IQGAP1: variants seen among roughly 807,000 people sequenced by gnomAD.
IQGAP1 encodes ras GTPase-activating-like protein IQGAP1.
Under a neutral mutation model 215.6 loss-of-function variants are expected in IQGAP1, and 66 were observed. That is an observed-to-expected ratio of 0.31 (90% CI 0.25 to 0.38). IQGAP1 has a LOEUF of 0.38. IQGAP1 is among the 10% of genes least tolerant of loss of function. The pLI, the probability that IQGAP1 is intolerant of heterozygous loss-of-function variation, is 1.00. For synonymous variants in IQGAP1, 772 were observed against 728.7 expected (o/e 1.06, Z -0.96); for missense variants, 1,712 against 1,997.1 (o/e 0.86, Z 2.72).
rs2151042784 is a variant in IQGAP1, at chr15:90,500,510, G to GTTC, written c.*402_*403insTTC. On this transcript the variant is annotated 3_prime_UTR_variant, in exon 38 of 38. Transcript: ENST00000268182. ...AGAAGTGGAAGCTATTAGCACCAATGACATAAATACATACAAGACACACAA... is the reference window on the plus strand; with the variant it reads ...AGAAGTGGAAGCTATTAGCACCAATGTTCACATAAATACATACAAGACACACAA... The GTTC allele has an allele frequency of 6.2e-6, 1 of 160,628 alleles. No individual in the cohort carries two copies. Among genetic ancestry groups the GTTC allele is most frequent in the Admixed American group, 6.0e-5 (1 of 16,560 alleles). 10.0% of individuals were successfully genotyped at this position (160,628 alleles called of 1,614,324 possible). A position where few individuals can be genotyped will look rare whatever the true frequency, so the allele number is the denominator to read the frequency against.
intron 14 of IQGAP1, among the ~76,000 whole-genome samples, chr15:90,455,513 C>G (rs1376263440): frequency 6.6e-6 from 1 of 152,172 alleles, no homozygotes; most frequent in Non-Finnish European, 1.5e-5. Flanking sequence ...GAGACAAAGA[C>G]CAGCCAGACT....
intron 2 of IQGAP1, among the ~76,000 whole-genome samples, chr15:90,399,034 A>G (rs1346510353): frequency 6.6e-6 from 1 of 150,830 alleles, no homozygotes; most frequent in Non-Finnish European, 1.5e-5. Context: ...AAGTGAATAT[A>G]GGAAATCTTC....
Position 90,500,137 on chromosome 15 carries a change from T to C in IQGAP1, c.*29T>C, listed in dbSNP as rs755984594. ...ATCGTTTGCTGCCAGCCCAGAAGGATGAAGGAAAGAAGCACCTCACAGCTC... is the reference window on the plus strand; with the variant it reads ...ATCGTTTGCTGCCAGCCCAGAAGGACGAAGGAAAGAAGCACCTCACAGCTC... On this transcript the variant is annotated 3_prime_UTR_variant, in exon 38 of 38. Coordinates refer to ENST00000268182, the MANE Select transcript of IQGAP1 (RefSeq NM_003870.4). The C allele has an allele frequency of 3.8e-6, 5 of 1,325,346 alleles. No individual in the cohort carries two copies. The highest frequency in any genetic ancestry group is 5.4e-6 in the Non-Finnish European group (5 of 917,938). 82.1% of individuals were successfully genotyped at this position (1,325,346 alleles called of 1,614,324 possible). A position where few individuals can be genotyped will look rare whatever the true frequency, so the allele number is the denominator to read the frequency against.
chr15:90,450,052 A>G (rs1450672272), intron 11 of IQGAP1, among the ~76,000 whole-genome samples: 1 of 152,150 alleles, frequency 6.6e-6, no homozygotes. Context: ...ATTGTTAACT[A>G]TCATCATCCT....
chr15:90,477,287 G>C (rs1856147691), intron 25 of IQGAP1, 57 bp downstream of exon 25: 3 of 1,415,348 alleles, frequency 2.1e-6, no homozygotes, highest in Admixed American at 2.1e-5. Context: ...GGGGCTCCCA[G>C]TTTGAGATTC....
At chr15:90,440,337 G>C (rs1221762484) in intron 6 of IQGAP1, among the ~76,000 whole-genome samples, 165 bp from the exon 7 acceptor site, 3 of 152,132 alleles carry the variant, frequency 2.0e-5, no homozygotes, top group Non-Finnish European at 4.4e-5. Context: ...TTATATACTA[G>C]TTACTGTGTT....
At chr15:90,481,378 A>AT (rs1966057029) in intron 26 of IQGAP1, among the ~76,000 whole-genome samples, 1 of 148,394 alleles carries the variant, frequency 6.7e-6, no homozygotes, top group South Asian at 2.1e-4. Context: ...TGTGCCTGGC[A>AT]TAGCACTCCT....
rs371704711 is a variant in IQGAP1 at position 90,390,879 on chromosome 15, G to T, written c.155+6G>T. The T allele has an allele frequency of 3.2e-6, 5 of 1,550,036 alleles. No homozygotes were observed. Among genetic ancestry groups the T allele is most frequent in the Non-Finnish European group, 4.5e-6 (5 of 1,121,722 alleles). ...CATTTGGAAGAAGCGAAGAGGTAAA[G>T]ATTGGCTGGCTGGAGAGAAGATTAA... On this transcript the variant is annotated splice_donor_region_variant and intron_variant, in intron 2 of 37. Transcript: ENST00000268182.
rs553118762 is a variant in IQGAP1, at chr15:90,500,800, T to A, written c.*692T>A. 2 of 152,490 alleles carry A rather than the reference T, an allele frequency of 1.3e-5. No individual in the cohort carries two copies. Among genetic ancestry groups the A allele is most frequent in the East Asian group, 3.9e-4 (2 of 5,188 alleles). 9.4% of individuals were successfully genotyped at this position (152,490 alleles called of 1,614,324 possible). ...ACTCCCCGACTAGTGGATGGGAGAGTCCCATTGCTAAAATTCAGCTACTCA... is the reference window on the plus strand; with the variant it reads ...ACTCCCCGACTAGTGGATGGGAGAGACCCATTGCTAAAATTCAGCTACTCA... On this transcript the variant is annotated 3_prime_UTR_variant, in exon 38 of 38. Coordinates refer to ENST00000268182, the MANE Select transcript of IQGAP1 (RefSeq NM_003870.4).
At chr15:90,446,443 G>A (rs566275593) in intron 9 of IQGAP1, among the ~76,000 whole-genome samples, 1 of 152,316 alleles carries the variant, frequency 6.6e-6, no homozygotes, top group African/African-American at 2.4e-5. Context: ...GATGCCAAGA[G>A]CACATGTGGT....
Position 90,450,154 on chromosome 15 carries a change from C to T in IQGAP1, c.1162+511C>T, listed in dbSNP as rs909261593. ...TCTCTATGTCCTCCTCCCCACTACC[C>T]TTCCCAGCTTCTGGGAACCACCAGT... On this transcript the variant is annotated intron_variant, in intron 11 of 37. Transcript: ENST00000268182. Among the ~76,000 whole-genome samples the T allele has an allele frequency of 4.6e-5, 7 of 152,234 alleles. No homozygotes were observed. In the East Asian group the frequency reaches 1.4e-3, roughly 29 times the overall value.
intron 31 of IQGAP1, 133 bp from the exon 32 acceptor site, chr15:90,486,821 G>C: frequency 1.2e-6 from 1 of 838,132 alleles, no homozygotes; most frequent in Non-Finnish European, 1.9e-6. Context: ...AGTAAAAGTT[G>C]TTCTCGTCAC....
At chr15:90,418,580 C>T (rs1169436244) in intron 2 of IQGAP1, among the ~76,000 whole-genome samples, 3 of 136,010 alleles carry the variant, frequency 2.2e-5, no homozygotes, top group South Asian at 2.7e-4. Flanking sequence ...CAGAGCGAGA[C>T]ACTGTCTCAA....
chr15:90,399,703 GT>G (rs1459859347), intron 2 of IQGAP1, among the ~76,000 whole-genome samples: 2 of 152,170 alleles, frequency 1.3e-5, no homozygotes, highest in Non-Finnish European at 2.9e-5. Flanking sequence ...ATGGGGTCTT[GT>G]AATGTTGATT....
intron 15 of IQGAP1, among the ~76,000 whole-genome samples, chr15:90,464,851 C>CAA (rs397763798): frequency 3.5e-4 from 45 of 128,168 alleles, no homozygotes; most frequent in Admixed American, 6.7e-4. Context: ...GACTCTGTCT[C>CAA]AAAAAAAAAA....
intron 2 of IQGAP1, among the ~76,000 whole-genome samples, chr15:90,417,707 G>T (rs781558646): frequency 6.6e-6 from 1 of 152,110 alleles, no homozygotes; most frequent in Non-Finnish European, 1.5e-5. Flanking sequence ...CTCTTTTTGG[G>T]TTCCATATGA....
chr15:90,492,812 G>A (rs747694285), intron 35 of IQGAP1, 101 bp downstream of exon 35: 4 of 882,056 alleles, frequency 4.5e-6, no homozygotes, highest in Non-Finnish European at 6.8e-6. Context: ...AAAATACACT[G>A]GATCTATTTA....
At chr15:90,390,287 T>C (rs1160278146) in intron 1 of IQGAP1, among the ~76,000 whole-genome samples, 3 of 152,224 alleles carry the variant, frequency 2.0e-5, no homozygotes, top group Non-Finnish European at 4.4e-5. Context: ...GCCATGGGGC[T>C]GAGTTCACCC....
At chr15:90,457,835 T>C (rs115590531) in intron 15 of IQGAP1, among the ~76,000 whole-genome samples, 36 of 152,278 alleles carry the variant, frequency 2.4e-4, no homozygotes, top group African/African-American at 8.4e-4. Context: ...GTTATGGCCA[T>C]AGGGAACACA....
Sources: allele counts gnomAD v4.1 joint callset (sites outside exome capture counted in the v4.1 genomes callset), GRCh38; gene constraint gnomAD v4.1.1; transcripts MANE v1.5; gene names NCBI Gene and HGNC (gene_info 2026-07-23, HGNC 2026-07-21).